ATG3: variants seen among roughly 807,000 people sequenced by gnomAD.
ATG3 encodes ubiquitin-like-conjugating enzyme ATG3.
In ATG3, 25 loss-of-function variants were observed where a neutral mutation model predicts 50.7. That is an observed-to-expected ratio of 0.49 (90% CI 0.36 to 0.69). The LOEUF is 0.69. Ranked by LOEUF, ATG3 falls within the 30% of genes least tolerant of loss-of-function variation. The pLI is 0.00. For missense variants in ATG3, 281 were observed against 376.0 expected, an observed-to-expected ratio of 0.75 and a Z score of 2.09; for synonymous variants, 119 against 125.5, an observed-to-expected ratio of 0.95 and a Z score of 0.34.
At position 112,536,519 on chromosome 3, in the gene ATG3, G is replaced by A. The variant is rs1933053319; in HGVS notation, c.750C>T (p.His250=). 1.9e-6 allele frequency: 3 copies of A among 1,613,974 alleles called. No individual in the cohort carries two copies. The highest frequency in any genetic ancestry group is 2.5e-6 in the Non-Finnish European group (3 of 1,179,854). The change falls in exon 10 of 12, where the codon CAC becomes CAT. Residue 250 remains histidine, a synonymous_variant. Coordinates refer to ENST00000283290, the MANE Select transcript of ATG3 (RefSeq NM_022488.5). ...ACATGGGAGGTGGTGGCAGATGAGGGTGATTTTCAATGGTCACTGTTTTCT... is the reference window on the plus strand; with the variant it reads ...ACATGGGAGGTGGTGGCAGATGAGGATGATTTTCAATGGTCACTGTTTTCT... ...HVKKTVTIEN[H]PHLPPPPMCS...
intron 11 of ATG3, chr3:112,533,221 T>G (rs1406149940): frequency 1.0e-6 from 1 of 985,340 alleles, no homozygotes; most frequent in East Asian, 1.1e-4. Context: ...TCTAGGTTAG[T>G]GTATGTATTT....
intron 5 of ATG3, 23 bp from the exon 6 acceptor site, chr3:112,544,129 G>C: frequency 6.4e-7 from 1 of 1,571,384 alleles, no homozygotes; most frequent in Non-Finnish European, 8.7e-7. Flanking sequence ...CGGCAGAAAA[G>C]AATAACTAAA....
chr3:112,539,943 C>T (rs1222265713), intron 7 of ATG3, among the ~76,000 whole-genome samples: 1 of 152,214 alleles, frequency 6.6e-6, no homozygotes, highest in East Asian at 1.9e-4. Flanking sequence ...ACTTGGTCAA[C>T]TATGTCATTC....
At chr3:112,534,710 C>T (rs1431658340) in intron 10 of ATG3, 1 of 149,780 alleles carries the variant, frequency 6.7e-6, no homozygotes, top group Non-Finnish European at 1.5e-5. Flanking sequence ...ATGAGGAAAT[C>T]ATTCCAGGAG....
At chr3:112,560,332 G>C (rs1049277512) in intron 1 of ATG3, among the ~76,000 whole-genome samples, 1 of 152,168 alleles carries the variant, frequency 6.6e-6, no homozygotes, top group African/African-American at 2.4e-5. Flanking sequence ...GACTTTCACA[G>C]TAAACAAATG....
chr3:112,545,317 C>T (rs936993420), intron 5 of ATG3, among the ~76,000 whole-genome samples: 1 of 152,180 alleles, frequency 6.6e-6, no homozygotes, highest in Non-Finnish European at 1.5e-5. Context: ...CACCAGTCAG[C>T]TAGATAACAT....
intron 7 of ATG3, among the ~76,000 whole-genome samples, chr3:112,538,511 A>G (rs1933137799): frequency 1.3e-5 from 2 of 152,162 alleles, no homozygotes; most frequent in South Asian, 4.1e-4. Flanking sequence ...TTTTCATCTT[A>G]ATTGACCTAT....
At chr3:112,555,852 G>T (rs764817366) in intron 2 of ATG3, among the ~76,000 whole-genome samples, 1 of 152,152 alleles carries the variant, frequency 6.6e-6, no homozygotes, top group Non-Finnish European at 1.5e-5. Flanking sequence ...TAAATTGATT[G>T]ATGTTGTAAT....
At chr3:112,539,258 G>A (rs1334932496) in intron 7 of ATG3, among the ~76,000 whole-genome samples, 3 of 152,060 alleles carry the variant, frequency 2.0e-5, no homozygotes, top group African/African-American at 7.2e-5. Flanking sequence ...ACCCTCCAAT[G>A]GCTTGTCTCA....
At chr3:112,549,010 A>G (rs1933451877) in intron 4 of ATG3, among the ~76,000 whole-genome samples, 2 of 152,260 alleles carry the variant, frequency 1.3e-5, no homozygotes, top group African/African-American at 4.8e-5. Flanking sequence ...CTTTCAGAAC[A>G]TGGAGCTACC....
At position 112,561,438 on chromosome 3, in the gene ATG3, C is replaced by T; in HGVS notation, c.72+19G>A. ...CGAGCATGTGCCTGACAGCTCCCGG[C>T]AACCCTGGCCTGGCTTACCTTGAGG... On this transcript the variant is annotated intron_variant, in intron 1 of 11. Transcript: ENST00000283290. 1 of 1,611,626 alleles carries T rather than the reference C, an allele frequency of 6.2e-7. No individual in the cohort carries two copies. The highest frequency in any genetic ancestry group is 8.5e-7 in the Non-Finnish European group (1 of 1,178,410).
rs559464062 is a variant in ATG3, at chr3:112,561,889, G to C, written c.-361C>G. On this transcript the variant is annotated 5_prime_UTR_variant, in exon 1 of 12. Coordinates refer to ENST00000283290, the MANE Select transcript of ATG3 (RefSeq NM_022488.5). ...TGTCTGTCCTCGCTTTGCTTCACTC[G>C]CGCCCCTTCCGGCTTCCCTTCCTTC... is the stretch of plus-strand genomic sequence containing the variant. The C allele has an allele frequency of 3.9e-6, 1 of 259,678 alleles. No homozygotes were observed. 16.1% of individuals were successfully genotyped at this position (259,678 alleles called of 1,614,324 possible).
intron 5 of ATG3, 145 bp from the exon 6 acceptor site, chr3:112,544,251 C>T (rs1396910882): frequency 1.6e-6 from 1 of 623,134 alleles, no homozygotes; most frequent in Non-Finnish European, 2.8e-6. Context: ...TACAAATGAA[C>T]TCTAATGAGA....
Position 112,548,601 on chromosome 3 carries a change from T to C in ATG3, c.275A>G (p.Asp92Gly), listed in dbSNP as rs1933436908. The change falls in exon 5 of 12, where the codon GAT becomes GGT. Residue 92 changes from aspartate (D) to glycine (G), a missense_variant. Asp to Gly is a moderately conservative substitution (Grantham distance 94). Transcript: ENST00000283290. The stretch of plus-strand genomic sequence containing the variant: ...TTCTTCAATGATAGCTTCCAATTCA[T>C]CTGAATATTCCATCTGTTTGCACCG... ...YKRCKQMEYS[D>G]ELEAIIEEDD... 6.2e-7 allele frequency: 1 copy of C among 1,614,012 alleles called. No homozygotes were observed. Among genetic ancestry groups the C allele is most frequent in the Non-Finnish European group, 8.5e-7 (1 of 1,179,966 alleles).
chr3:112,534,400 T>C (rs1932967064), intron 10 of ATG3, 63 bp from the exon 11 acceptor site: 4 of 1,356,722 alleles, frequency 2.9e-6, no homozygotes, highest in South Asian at 1.6e-5. Context: ...AAGAAAAACA[T>C]ATTTTCATTT....
In ATG3 at chr3:112,558,422, A is replaced by C; in HGVS notation, c.73-5T>G. ...TGTTTCCTTAAACTTTGATTCCTAA[A>C]AAAAGCAGAAAGAAAAACAATATTA... On this transcript the variant is annotated splice_polypyrimidine_tract_variant and splice_region_variant and intron_variant, in intron 1 of 11. Transcript: ENST00000283290. 1 of 1,589,912 alleles carries C rather than the reference A, an allele frequency of 6.3e-7. No homozygotes were observed. The highest frequency in any genetic ancestry group is 8.6e-7 in the Non-Finnish European group (1 of 1,158,596).
intron 4 of ATG3, among the ~76,000 whole-genome samples, chr3:112,549,274 T>G (rs1933461380): frequency 6.6e-6 from 1 of 151,824 alleles, no homozygotes; most frequent in African/African-American, 2.4e-5. Context: ...AGCATTATGG[T>G]ATAAGGTCAA....
Position 112,561,806 on chromosome 3 carries a change from C to T in ATG3, c.-278G>A, listed in dbSNP as rs1470822145. The T allele has an allele frequency of 2.2e-6, 1 of 451,982 alleles. No homozygotes were observed. The highest frequency in any genetic ancestry group is 3.9e-6 in the Non-Finnish European group (1 of 254,418). The allele number at this position is 451,982 out of a possible 1,614,324, so 28.0% of individuals were successfully genotyped here. On this transcript the variant is annotated 5_prime_UTR_variant, in exon 1 of 12. Coordinates refer to ENST00000283290, the MANE Select transcript of ATG3 (RefSeq NM_022488.5). ...CCAGCCGCGAGGGAGGGCAGCGGGG[C>T]CGAAGGGAGACCTGAGGTGAGAAGC...
chr3:112,548,320 G>A (rs1246596677), intron 5 of ATG3, among the ~76,000 whole-genome samples: 1 of 152,112 alleles, frequency 6.6e-6, no homozygotes, highest in Non-Finnish European at 1.5e-5. Context: ...CTCCAGCCTG[G>A]TGACAGAGCA....
Sources: gnomAD v4.1 joint callset for allele counts (sites outside exome capture counted in the v4.1 genomes callset) on GRCh38, gnomAD v4.1.1 for gene constraint, MANE v1.5 for transcripts, NCBI Gene and HGNC (gene_info 2026-07-23, HGNC 2026-07-21) for gene names.